The following ANKS1B variants were observed in gnomAD, a reference collection of about 807,000 sequenced individuals.
ANKS1B encodes the protein ankyrin repeat and sterile alpha motif domain-containing protein 1B.
In ANKS1B, 36 loss-of-function variants were observed where a neutral mutation model predicts 148.3. The observed-to-expected ratio is 0.24, with a 90% CI of 0.19 to 0.32. The LOEUF (loss-of-function observed/expected upper bound fraction) is 0.32. ANKS1B is among the 10% of genes least tolerant of loss of function. The probability of loss-of-function intolerance (pLI) is 1.00; values close to 1 mark genes in which losing one functional copy is unlikely to be tolerated. For synonymous variants in ANKS1B, 542 were observed against 560.8 expected (o/e 0.97, Z 0.47); for missense variants, 1,157 against 1,542.6 (o/e 0.75, Z 4.19).
At chr12:99,753,693 C>A (rs571764044) in intron 8 of ANKS1B, among the ~76,000 whole-genome samples, 1 of 151,998 alleles carries the variant, frequency 6.6e-6, no homozygotes, top group South Asian at 2.1e-4. Context: ...TCAATACCAG[C>A]CTTAAATGTA....
At chr12:99,587,015 T>C (rs1327503161) in intron 9 of ANKS1B, among the ~76,000 whole-genome samples, 1 of 152,104 alleles carries the variant, frequency 6.6e-6, no homozygotes, top group African/African-American at 2.4e-5. Flanking sequence ...TATTTGCTAC[T>C]AAGAGGATTT....
rs79986083 is a variant in ANKS1B, at chr12:98,949,372, CA to C, written c.2778+103784del. Among the ~76,000 whole-genome samples the C allele has an allele frequency of 8.2e-3, 1,247 of 152,182 alleles. 10 individuals carry two copies. Among genetic ancestry groups the C allele is most frequent in the East Asian group, 0.058 (300 of 5,166 alleles). On this transcript the variant is annotated intron_variant, in intron 17 of 26. Coordinates refer to ENST00000683438, the MANE Select transcript of ANKS1B (RefSeq NM_001352186.2). ...GCTGCCTCCATCCTTTTGCTCTGAG[CA>C]AAACTGGACCTAGTTAAGCAATGTT... is the stretch of plus-strand genomic sequence containing the variant.
intron 1 of ANKS1B, among the ~76,000 whole-genome samples, chr12:99,954,118 G>C (rs372221865): frequency 6.6e-6 from 1 of 152,290 alleles, no homozygotes. Flanking sequence ...CTATAATAAT[G>C]AGAGATGCTC....
intron 1 of ANKS1B, among the ~76,000 whole-genome samples, chr12:99,847,520 A>C (rs1603305309): frequency 6.6e-6 from 1 of 152,184 alleles, no homozygotes. Flanking sequence ...CAAATGCCTC[A>C]CAGAGAGGTC....
At chr12:98,781,027 A>C in intron 24 of ANKS1B, 90 bp downstream of exon 24, 1 of 730,814 alleles carries the variant, frequency 1.4e-6, no homozygotes, top group Non-Finnish European at 2.3e-6. Context: ...TACAGTGGGG[A>C]GTGCTGGGTA....
At chr12:98,930,746 G>A (rs1289985600) in intron 17 of ANKS1B, among the ~76,000 whole-genome samples, 1 of 151,928 alleles carries the variant, frequency 6.6e-6, no homozygotes, top group African/African-American at 2.4e-5. Flanking sequence ...GTGGGGGCGG[G>A]GTAGTGACTG....
At chr12:98,897,371 TCAA>T (rs1444886872) in intron 17 of ANKS1B, among the ~76,000 whole-genome samples, 6 of 150,108 alleles carry the variant, frequency 4.0e-5, no homozygotes, top group Non-Finnish European at 4.4e-5. Context: ...GGAACTCCAA[TCAA>T]CAAGAAAAAA....
intron 9 of ANKS1B, among the ~76,000 whole-genome samples, chr12:99,512,632 C>G (rs1204709943): frequency 1.3e-5 from 2 of 152,056 alleles, no homozygotes; most frequent in Admixed American, 6.6e-5. Flanking sequence ...TTCACAATAG[C>G]AAAGACATGG....
chr12:99,774,301 C>T (rs1035593569), intron 7 of ANKS1B, among the ~76,000 whole-genome samples: 1 of 151,908 alleles, frequency 6.6e-6, no homozygotes, highest in African/African-American at 2.4e-5. Flanking sequence ...ACACAAATAA[C>T]CTAATTTTAA....
At chr12:99,591,900 A>C (rs1444142018) in intron 9 of ANKS1B, among the ~76,000 whole-genome samples, 1 of 152,178 alleles carries the variant, frequency 6.6e-6, no homozygotes, top group Non-Finnish European at 1.5e-5. Flanking sequence ...TAGGCTATTA[A>C]ACAATCTTTT....
rs556734665 is a variant in ANKS1B, at chr12:99,678,555, G to A, written c.1129-23345C>T. Among the ~76,000 whole-genome samples, 277 of 152,234 alleles carry A rather than the reference G, an allele frequency of 1.8e-3. 1 individual carries two copies. The highest frequency in any genetic ancestry group is 2.6e-3 in the Non-Finnish European group (177 of 68,010). ...GAAAATTCTCCTACCTGTTTACTAAGAGAGCCCAAGTGTCCCTTTACACTG... is the reference window on the plus strand; with the variant it reads ...GAAAATTCTCCTACCTGTTTACTAAAAGAGCCCAAGTGTCCCTTTACACTG... On this transcript the variant is annotated intron_variant, in intron 8 of 26. Transcript: ENST00000683438.
chr12:99,639,393 T>C (rs1192838697), intron 9 of ANKS1B, among the ~76,000 whole-genome samples: 5 of 152,158 alleles, frequency 3.3e-5, no homozygotes, highest in South Asian at 2.1e-4. Context: ...CTGTGGACTT[T>C]TGAGTAAATG....
chr12:99,508,423 T>G (rs531419314), intron 9 of ANKS1B, among the ~76,000 whole-genome samples: 1 of 151,894 alleles, frequency 6.6e-6, no homozygotes, highest in South Asian at 2.1e-4. Context: ...GTAGATTCTA[T>G]AGAATCTTAA....
intron 15 of ANKS1B, among the ~76,000 whole-genome samples, chr12:99,119,312 A>G (rs2062146353): frequency 6.6e-6 from 1 of 152,136 alleles, no homozygotes; most frequent in South Asian, 2.1e-4. Flanking sequence ...GGTAAGGAAC[A>G]TATTACCCTC....
chr12:99,936,307 C>T (rs1229440650), intron 1 of ANKS1B, among the ~76,000 whole-genome samples: 1 of 152,108 alleles, frequency 6.6e-6, no homozygotes, highest in Non-Finnish European at 1.5e-5. Flanking sequence ...AATAGTTTTC[C>T]ATCCTATATT....
At chr12:99,937,737 A>G (rs753972567) in intron 1 of ANKS1B, among the ~76,000 whole-genome samples, 1 of 152,256 alleles carries the variant, frequency 6.6e-6, no homozygotes, top group African/African-American at 2.4e-5. Flanking sequence ...TTCTGAGAAA[A>G]GGGGTATTTA....
intron 1 of ANKS1B, among the ~76,000 whole-genome samples, chr12:99,830,236 A>G (rs1020319996): frequency 1.3e-4 from 20 of 152,212 alleles, no homozygotes; most frequent in African/African-American, 4.8e-4. Flanking sequence ...AAAAATATAT[A>G]CAGATAAATT....
intron 9 of ANKS1B, among the ~76,000 whole-genome samples, chr12:99,616,049 A>G (rs1370807807): frequency 6.6e-6 from 1 of 152,138 alleles, no homozygotes; most frequent in Non-Finnish European, 1.5e-5. Flanking sequence ...AACTGCCACA[A>G]AGAGAATAAA....
At chr12:99,242,005 C>G (rs548673081) in intron 14 of ANKS1B, among the ~76,000 whole-genome samples, 1 of 152,174 alleles carries the variant, frequency 6.6e-6, no homozygotes, top group Admixed American at 6.5e-5. Context: ...GGGATGCCCT[C>G]TCTCACCACT....
Sources: gnomAD v4.1 joint callset for allele counts (sites outside exome capture counted in the v4.1 genomes callset) on GRCh38, gnomAD v4.1.1 for gene constraint, MANE v1.5 for transcripts, NCBI Gene and HGNC (gene_info 2026-07-23, HGNC 2026-07-21) for gene names.